The following TAF4 variants were observed in gnomAD, a reference collection of about 807,000 sequenced individuals.
The protein encoded by TAF4 is TATA-box binding protein associated factor 4.
In TAF4, 9 loss-of-function variants were observed where a neutral mutation model predicts 90.3. The observed-to-expected ratio is 0.10, with a 90% CI of 0.06 to 0.17. The LOEUF is 0.17. Ranked by LOEUF, TAF4 falls within the 10% of genes least tolerant of loss-of-function variation. The pLI is 1.00. For synonymous variants in TAF4, 818 were observed against 638.9 expected, an observed-to-expected ratio of 1.28 and a Z score of -4.23; for missense variants, 1,351 against 1,370.7, an observed-to-expected ratio of 0.99 and a Z score of 0.23.
At chr20:62,036,306 T>C (rs2055932464) in intron 1 of TAF4, among the ~76,000 whole-genome samples, 1 of 152,246 alleles carries the variant, frequency 6.6e-6, no homozygotes, top group South Asian at 2.1e-4. Context: ...ATGACAGGCG[T>C]GAGCCACCGC....
chr20:61,986,731 C>T (rs2055594792), intron 14 of TAF4, among the ~76,000 whole-genome samples: 1 of 152,264 alleles, frequency 6.6e-6, no homozygotes, highest in Non-Finnish European at 1.5e-5. Context: ...TAAACTGTAG[C>T]AGCAGCTTGT....
intron 14 of TAF4, among the ~76,000 whole-genome samples, chr20:61,987,830 C>T (rs1047661580): frequency 6.6e-6 from 1 of 152,168 alleles, no homozygotes. Context: ...CGATGTGCTT[C>T]AGTAGGTGAG....
At chr20:62,064,131 T>C (rs1238774324) in intron 1 of TAF4, among the ~76,000 whole-genome samples, 1 of 152,140 alleles carries the variant, frequency 6.6e-6, no homozygotes, top group Non-Finnish European at 1.5e-5. Context: ...CAGGGACGCA[T>C]AGGGCGGGAG....
intron 1 of TAF4, chr20:62,037,906 G>T: frequency 4.7e-6 from 1 of 210,722 alleles, no homozygotes; most frequent in Non-Finnish European, 1.0e-5. Context: ...CTGAACCTCT[G>T]GATTTGCACG....
Position 62,013,048 on chromosome 20 carries a change from G to A in TAF4, c.1522-114C>T, listed in dbSNP as rs549654376. The stretch of plus-strand genomic sequence containing the variant: ...ACTAGTATATCCAAGTGGGTCCCAG[G>A]CTTATCCGTGATCTGCAATGAAGCC... On this transcript the variant is annotated intron_variant, in intron 2 of 14. Transcript: ENST00000252996. 1.1e-3 allele frequency: 1,610 copies of A among 1,424,558 alleles called. 2 individuals carry two copies. The highest frequency in any genetic ancestry group is 1.3e-3 in the Non-Finnish European group (1,389 of 1,074,322). The allele number at this position is 1,424,558 out of a possible 1,614,324, so 88.2% of individuals were successfully genotyped here. A position where few individuals can be genotyped will look rare whatever the true frequency, so the allele number is the denominator to read the frequency against.
rs370626590 is a variant in TAF4, at chr20:62,012,801, G to A, written c.1641+14C>T. ...CCCCTGCAGCCTCAAGAGATCCGCC[G>A]CCTGCCCTCTCACCTGGACGCCGGG... On this transcript the variant is annotated intron_variant, in intron 3 of 14. Transcript: ENST00000252996. 7 of 1,605,898 alleles carry A rather than the reference G, an allele frequency of 4.4e-6. 1 individual carries two copies. Among genetic ancestry groups the A allele is most frequent in the African/African-American group, 2.7e-5 (2 of 74,610 alleles).
intron 1 of TAF4, among the ~76,000 whole-genome samples, chr20:62,016,933 C>T (rs772846600): frequency 1.3e-5 from 2 of 151,826 alleles, no homozygotes; most frequent in Non-Finnish European, 2.9e-5. Context: ...GAGGCTGGTT[C>T]GAGACCAGAC....
intron 1 of TAF4, among the ~76,000 whole-genome samples, chr20:62,063,655 G>A (rs1488272300): frequency 6.6e-6 from 1 of 152,190 alleles, no homozygotes. Context: ...AACATCTGCT[G>A]CCACCGCCCT....
intron 14 of TAF4, among the ~76,000 whole-genome samples, chr20:61,995,723 C>T (rs2055659208): frequency 1.5e-5 from 1 of 65,474 alleles, no homozygotes; most frequent in South Asian, 4.5e-4. Context: ...ATTAGCCGGG[C>T]GCGGTGGCGG....
chr20:62,000,891 T>C (rs1367044183), intron 9 of TAF4, among the ~76,000 whole-genome samples, 170 bp from the exon 10 acceptor site: 2 of 152,184 alleles, frequency 1.3e-5, no homozygotes, highest in Non-Finnish European at 2.9e-5. Context: ...AGAGGGTGCC[T>C]CGCTGCTTTC....
At chr20:62,009,847 T>A (rs1292286213) in intron 4 of TAF4, among the ~76,000 whole-genome samples, 199 bp downstream of exon 4, 1 of 152,228 alleles carries the variant, frequency 6.6e-6, no homozygotes, top group Non-Finnish European at 1.5e-5. Context: ...TTCTGCGGTC[T>A]AAGGCCCTCG....
In TAF4 at chr20:61,986,377, T is replaced by C. The variant is rs71323565; in HGVS notation, c.3091-10042A>G. Among the ~76,000 whole-genome samples, 111 of 38,358 alleles carry C rather than the reference T, an allele frequency of 2.9e-3. 3 individuals carry two copies. Among genetic ancestry groups the C allele is most frequent in the Non-Finnish European group, 3.7e-3 (65 of 17,402 alleles). 25.2% of individuals were successfully genotyped at this position (38,358 alleles called of 152,430 possible). A position where few individuals can be genotyped will look rare whatever the true frequency, so the allele number is the denominator to read the frequency against. On this transcript the variant is annotated intron_variant, in intron 14 of 14. Transcript: ENST00000252996. ...CAATCAAAGGAAACACCATCCCCAA[T>C]CAAAGGAAACACCATCCCCAATCAA...
At chr20:62,061,241 C>A (rs1384802279) in intron 1 of TAF4, among the ~76,000 whole-genome samples, 1 of 152,360 alleles carries the variant, frequency 6.6e-6, no homozygotes, top group Non-Finnish European at 1.5e-5. Flanking sequence ...AAATCCAACC[C>A]GTCCCAACAG....
chr20:62,031,213 G>A (rs1568937156), intron 1 of TAF4, among the ~76,000 whole-genome samples: 1 of 151,966 alleles, frequency 6.6e-6, no homozygotes, highest in Non-Finnish European at 1.5e-5. Flanking sequence ...CCTCTTTCAG[G>A]GAGCCTGGGT....
chr20:62,042,908 C>T (rs764588269), intron 1 of TAF4, among the ~76,000 whole-genome samples: 23 of 150,544 alleles, frequency 1.5e-4, no homozygotes, highest in Middle Eastern at 3.4e-3. Context: ...TGCAGGGAGA[C>T]GGGACTTGGA....
intron 1 of TAF4, among the ~76,000 whole-genome samples, chr20:62,035,640 C>G (rs1052798295): frequency 6.6e-6 from 1 of 152,186 alleles, no homozygotes; most frequent in African/African-American, 2.4e-5. Context: ...CTATTACCTT[C>G]GGGTTAGAAA....
intron 1 of TAF4, among the ~76,000 whole-genome samples, chr20:62,061,204 G>A (rs887694488): frequency 2.0e-5 from 3 of 152,286 alleles, no homozygotes; most frequent in East Asian, 1.9e-4. Flanking sequence ...TCTGCATGCC[G>A]CCACCCAGCA....
chr20:61,989,860 A>G (rs1053250169), intron 14 of TAF4, among the ~76,000 whole-genome samples: 2 of 152,248 alleles, frequency 1.3e-5, no homozygotes, highest in African/African-American at 2.4e-5. Context: ...GAGGGCAACC[A>G]GCAGTAACAG....
chr20:62,026,440 G>A (rs1020659446), intron 1 of TAF4, among the ~76,000 whole-genome samples: 6 of 152,140 alleles, frequency 3.9e-5, no homozygotes, highest in South Asian at 2.1e-4. Context: ...ATGAAAGTGC[G>A]TGCTCAAGTC....
Sources: gnomAD v4.1 joint callset for allele counts (sites outside exome capture counted in the v4.1 genomes callset) on GRCh38, gnomAD v4.1.1 for gene constraint, MANE v1.5 for transcripts, NCBI Gene and HGNC (gene_info 2026-07-23, HGNC 2026-07-21) for gene names.